The following CSNK1G1 variants were observed in gnomAD, a reference collection of about 807,000 sequenced individuals.
CSNK1G1 encodes casein kinase I isoform gamma-1.
In CSNK1G1, 22 loss-of-function variants were observed where a neutral mutation model predicts 59.6. The observed-to-expected ratio is 0.37, with a 90% CI of 0.26 to 0.53. The LOEUF (loss-of-function observed/expected upper bound fraction) is 0.53. Ranked by LOEUF, CSNK1G1 falls within the 20% of genes least tolerant of loss-of-function variation. The pLI, the probability that CSNK1G1 is intolerant of heterozygous loss-of-function variation, is 0.89. For synonymous variants in CSNK1G1, 179 were observed against 177.1 expected (o/e 1.01, Z -0.08); for missense variants, 384 against 519.5 (o/e 0.74, Z 2.54).
intron 2 of CSNK1G1, among the ~76,000 whole-genome samples, chr15:64,270,632 C>T (rs916833551): frequency 3.3e-5 from 5 of 151,920 alleles, no homozygotes; most frequent in African/African-American, 4.8e-5. Flanking sequence ...TGGTGGCAGG[C>T]GCCTGTAGTC....
At chr15:64,327,394 G>GC (rs1000775095) in intron 1 of CSNK1G1, among the ~76,000 whole-genome samples, 1 of 151,114 alleles carries the variant, frequency 6.6e-6, no homozygotes, top group Non-Finnish European at 1.5e-5. Context: ...TAACTGGGAG[G>GC]CACTCCCCAG....
chr15:64,200,587 C>T lies in CSNK1G1; in HGVS notation c.1107+2495G>A, dbSNP rs959967100. ...TCTCGAACTCCTGACCTCAGGTGAT[C>T]GACCCGCCTCGGCCTCCCAAAGTGC... On this transcript the variant is annotated intron_variant, in intron 10 of 11. Transcript: ENST00000303052. This position sits in a 1 kb window ranked among gnomAD's most constrained non-coding sequence, Gnocchi z 4.3. 5.3e-5 allele frequency among the ~76,000 whole-genome samples: 8 copies of T among 152,282 alleles called. No homozygotes were observed. In the East Asian group the frequency reaches 7.8e-4, roughly 15 times the overall value.
Position 64,333,433 on chromosome 15 carries a change from C to CAAAAAAA in CSNK1G1, c.-225+22548_-225+22554dup, listed in dbSNP as rs59451869. On this transcript the variant is annotated intron_variant, in intron 1 of 11. Transcript: ENST00000303052. Reference sequence around the variant, plus strand: ...TGGGCAACACAGTGAGACACCATCTCAAAAAAAAAAAAAAAAAAAAAAAAA... The same window carrying CAAAAAAA: ...TGGGCAACACAGTGAGACACCATCTCAAAAAAAAAAAAAAAAAAAAAAAAAAAAAAAA... Among the ~76,000 whole-genome samples the CAAAAAAA allele has an allele frequency of 6.5e-4, 15 of 23,084 alleles. 6 individuals carry two copies. Among genetic ancestry groups the CAAAAAAA allele is most frequent in the African/African-American group, 2.6e-3 (11 of 4,154 alleles). The allele number at this position is 23,084 out of a possible 152,430, so 15.1% of individuals were successfully genotyped here.
intron 3 of CSNK1G1, 81 bp from the exon 4 acceptor site, chr15:64,251,662 G>T: frequency 1.1e-6 from 1 of 940,200 alleles, no homozygotes; most frequent in Non-Finnish European, 1.7e-6. Flanking sequence ...GTAAACGAGG[G>T]CTAAGATCAC....
intron 4 of CSNK1G1, among the ~76,000 whole-genome samples, chr15:64,231,528 G>C (rs1226476138): frequency 1.3e-5 from 2 of 150,934 alleles, no homozygotes; most frequent in Non-Finnish European, 2.9e-5. Context: ...GCTTAGAATA[G>C]TACTTAACCC....
Position 64,294,508 on chromosome 15 carries a change from T to A in CSNK1G1, c.181+5811A>T, listed in dbSNP as rs936130166. ...CCTCTAAAGTAGAATTAAAAAAAAATTTTAAGCAATAAGTGTATTTTCTTT... is the reference window on the plus strand; with the variant it reads ...CCTCTAAAGTAGAATTAAAAAAAAAATTTAAGCAATAAGTGTATTTTCTTT... On this transcript the variant is annotated intron_variant, in intron 2 of 11. Coordinates refer to ENST00000303052, the MANE Select transcript of CSNK1G1 (RefSeq NM_022048.5). Among the ~76,000 whole-genome samples the A allele has an allele frequency of 1.1e-4, 17 of 152,274 alleles. No homozygotes were observed. The East Asian group carries it at 1.2e-3, about 10-fold the overall frequency.
At chr15:64,346,374 GAAGATA>G (rs1181326075) in intron 1 of CSNK1G1, among the ~76,000 whole-genome samples, 1 of 150,242 alleles carries the variant, frequency 6.7e-6, no homozygotes. Context: ...AAAAATTCTT[GAAGATA>G]AATAGGAGAA....
At chr15:64,181,253 A>T (rs1378392012) in intron 10 of CSNK1G1, 3 of 1,535,784 alleles carry the variant, frequency 2.0e-6, no homozygotes, top group Admixed American at 3.9e-5. Context: ...AATGTAAGTG[A>T]AGGCTCTCAC....
intron 1 of CSNK1G1, among the ~76,000 whole-genome samples, chr15:64,330,764 T>C (rs1243103959): frequency 3.9e-5 from 2 of 51,348 alleles, no homozygotes; most frequent in Non-Finnish European, 7.9e-5. Context: ...CATGATTGTT[T>C]ATCTAGAAAA....
At chr15:64,334,146 T>A (rs1168990757) in intron 1 of CSNK1G1, among the ~76,000 whole-genome samples, 1 of 152,174 alleles carries the variant, frequency 6.6e-6, no homozygotes, top group Non-Finnish European at 1.5e-5. Context: ...ACATGAATCA[T>A]TCATTACAGG....
intron 1 of CSNK1G1, among the ~76,000 whole-genome samples, chr15:64,355,156 C>T (rs2140502533): frequency 6.6e-6 from 1 of 152,292 alleles, no homozygotes; most frequent in East Asian, 1.9e-4. Flanking sequence ...TATGGTTTCC[C>T]CAGTCCATTC....
At chr15:64,184,404 C>T (rs562331190) in intron 10 of CSNK1G1, among the ~76,000 whole-genome samples, 298 of 152,054 alleles carry the variant, frequency 2.0e-3, no homozygotes, top group Non-Finnish European at 3.5e-3. Flanking sequence ...CGGCCAGGCA[C>T]GGTGGCTCGT....
chr15:64,205,073 T>C, intron 7 of CSNK1G1, 124 bp from the exon 8 acceptor site: 1 of 564,822 alleles, frequency 1.8e-6, no homozygotes, highest in Non-Finnish European at 3.1e-6. Context: ...TGATTTTTTT[T>C]CTAACACTAA....
chr15:64,349,791 T>C (rs1017351021), intron 1 of CSNK1G1, among the ~76,000 whole-genome samples: 1 of 151,944 alleles, frequency 6.6e-6, no homozygotes, highest in Non-Finnish European at 1.5e-5. Flanking sequence ...AGATCCAAAA[T>C]GAACCTAGCA....
At chr15:64,351,718 A>C (rs557445170) in intron 1 of CSNK1G1, among the ~76,000 whole-genome samples, 52 of 152,254 alleles carry the variant, frequency 3.4e-4, no homozygotes, top group Admixed American at 3.3e-3. Context: ...ATGTCCACTA[A>C]AAATACAAAA....
chr15:64,343,208 A>AACACACACACACACACACACACACACAC (rs3057760), intron 1 of CSNK1G1, among the ~76,000 whole-genome samples: 15,507 of 109,660 alleles, frequency 0.14, 1,915 homozygotes, highest in East Asian at 0.2. Flanking sequence ...GCAAAACTCC[A>AACACACACACACACACACACACACACAC]ACACACACAC....
intron 1 of CSNK1G1, among the ~76,000 whole-genome samples, chr15:64,342,955 C>CGCT (rs531910135): frequency 1.3e-4 from 19 of 151,952 alleles, no homozygotes; most frequent in South Asian, 2.1e-4. Flanking sequence ...TTCCAGGAGA[C>CGCT]GCTGCTGCTG....
chr15:64,272,342 A>G (rs1466159138), intron 2 of CSNK1G1, among the ~76,000 whole-genome samples: 1 of 151,548 alleles, frequency 6.6e-6, no homozygotes, highest in Non-Finnish European at 1.5e-5. Context: ...CAGCCTCCTC[A>G]GTAGCTGGGA....
chr15:64,178,579 T>C (rs2140206997), intron 11 of CSNK1G1, among the ~76,000 whole-genome samples: 1 of 151,264 alleles, frequency 6.6e-6, no homozygotes, highest in South Asian at 2.1e-4. Flanking sequence ...CCTCCTGGGT[T>C]CAAGCGATTC....
Sources: allele counts gnomAD v4.1 joint callset (sites outside exome capture counted in the v4.1 genomes callset), GRCh38; gene constraint gnomAD v4.1.1; non-coding constraint Gnocchi (gnomAD v3.1); transcripts MANE v1.5; gene names NCBI Gene and HGNC (gene_info 2026-07-23, HGNC 2026-07-21).